The following TOP1 variants were observed in gnomAD, a reference collection of about 807,000 sequenced individuals.
TOP1 encodes DNA topoisomerase I, also known as DNA topoisomerase 1.
In TOP1, 10 loss-of-function variants were observed where a neutral mutation model predicts 111.1. The observed-to-expected ratio is 0.09, with a 90% CI of 0.06 to 0.15. The LOEUF (loss-of-function observed/expected upper bound fraction) is 0.15. Among genes scored for constraint, TOP1 ranks in the 10% least tolerant of loss-of-function variants. The pLI is 1.00. For missense variants in TOP1, 474 were observed against 926.7 expected (o/e 0.51, Z 6.34); for synonymous variants, 271 against 302.9 (o/e 0.89, Z 1.10).
rs148036807 is a variant in TOP1, at chr20:41,054,060, C to G, written c.59-7334C>G. Among the ~76,000 whole-genome samples the G allele has an allele frequency of 2.2e-3, 329 of 152,148 alleles. 1 individual carries two copies. Among genetic ancestry groups the G allele is most frequent in the African/African-American group, 6.5e-3 (271 of 41,502 alleles). On this transcript the variant is annotated intron_variant, in intron 2 of 20. Coordinates refer to ENST00000361337, the MANE Select transcript of TOP1 (RefSeq NM_003286.4). Reference sequence around the variant, plus strand: ...ATCGTTACCACCCAGAGTTGTGAAACTTAGAGGTGATATATGTAATACTGC... The same window carrying G: ...ATCGTTACCACCCAGAGTTGTGAAAGTTAGAGGTGATATATGTAATACTGC...
rs1290251600 is a variant in TOP1, at chr20:41,121,929, CAA to C, written c.2046-75_2046-74del. ...CTCTATACTAGGGCTTTTATTGACT[CAA>C]AGTGGCAGGATGGGTACAGTGTGCT... On this transcript the variant is annotated intron_variant, in intron 19 of 20. Coordinates refer to ENST00000361337, the MANE Select transcript of TOP1 (RefSeq NM_003286.4). The surrounding 1 kb of genome is among the most constrained non-coding windows in gnomAD (Gnocchi z 4.2). 7 of 1,577,832 alleles carry C rather than the reference CAA, an allele frequency of 4.4e-6. No individual in the cohort carries two copies. The African/African-American group carries it at 9.6e-5, about 22-fold the overall frequency.
rs987072326 is a variant in TOP1 at position 41,101,547 on chromosome 20, CTTAT to C, written c.1308+200_1308+203del. 2.6e-5 allele frequency among the ~76,000 whole-genome samples: 4 copies of C among 152,330 alleles called. No individual in the cohort carries two copies. The highest frequency in any genetic ancestry group is 4.8e-5 in the African/African-American group (2 of 41,572). ...TCCATTTTTTTGGTCACATTGTAATCTTATTTATTAATTCACAAATATTTACTGA... is the reference window on the plus strand; with the variant it reads ...TCCATTTTTTTGGTCACATTGTAATCTTATTAATTCACAAATATTTACTGA... On this transcript the variant is annotated intron_variant, in intron 13 of 20. Transcript: ENST00000361337. The surrounding 1 kb of genome is among the most constrained non-coding windows in gnomAD (Gnocchi z 4.1).
chr20:41,076,274 GA>G lies in TOP1; in HGVS notation c.264del (p.Lys88AsnfsTer15), dbSNP rs2145935067. ...HKDKHKDRDK[E>X]KRKEEKVRAS... is the part of the protein sequence containing the mutation. ...AGACAAACATAAAGACAGAGACAAG[GA>G]AAAACGAAAAGAGGAAAAGGTACAG... On this transcript the variant is annotated frameshift_variant, in exon 4 of 21. Coordinates refer to ENST00000361337, the MANE Select transcript of TOP1 (RefSeq NM_003286.4). LOFTEE classifies it high-confidence loss of function. The G allele has an allele frequency of 1.2e-6, 2 of 1,609,256 alleles. No homozygotes were observed. Among genetic ancestry groups the G allele is most frequent in the Admixed American group, 1.7e-5 (1 of 59,236 alleles).
chr20:41,105,424 C>T (rs981750962), intron 13 of TOP1, among the ~76,000 whole-genome samples: 3 of 152,154 alleles, frequency 2.0e-5, no homozygotes, highest in African/African-American at 7.2e-5. Context: ...TCTTAACCTA[C>T]ACTTTTAATT....
intron 2 of TOP1, among the ~76,000 whole-genome samples, chr20:41,057,955 G>A (rs1049864587): frequency 1.3e-5 from 2 of 152,206 alleles, no homozygotes; most frequent in Admixed American, 1.3e-4. Context: ...CAAGTAAACT[G>A]GGGCCACTAA....
Position 41,116,578 on chromosome 20 carries a change from C to T in TOP1, c.1822+186C>T, listed in dbSNP as rs2034334335. On this transcript the variant is annotated intron_variant, in intron 17 of 20. Coordinates refer to ENST00000361337, the MANE Select transcript of TOP1 (RefSeq NM_003286.4). The surrounding 1 kb of genome is among the most constrained non-coding windows in gnomAD (Gnocchi z 5.6). ...TAAACATAGGATCAATGCTGTTTCC[C>T]CCTTCCCACCCCAACTTCAAGATTA... 6.6e-6 allele frequency among the ~76,000 whole-genome samples: 1 copy of T among 152,158 alleles called. No individual in the cohort carries two copies. The highest frequency in any genetic ancestry group is 2.4e-5 in the African/African-American group (1 of 41,428).
In TOP1 at chr20:41,029,727, C is replaced by T; in HGVS notation, c.58+272C>T. On this transcript the variant is annotated intron_variant, in intron 2 of 20. Coordinates refer to ENST00000361337, the MANE Select transcript of TOP1 (RefSeq NM_003286.4). This position sits in a 1 kb window ranked among gnomAD's most constrained non-coding sequence, Gnocchi z 6.1. ...GGGCGGTCTTTCCGGGCCGGGATTC[C>T]TCCCGGGAAAGTCGCCTTGTCGACG... The T allele has an allele frequency of 5.6e-6, 3 of 539,912 alleles. No individual in the cohort carries two copies. Among genetic ancestry groups the T allele is most frequent in the Non-Finnish European group, 1.0e-5 (3 of 298,612 alleles). 33.4% of individuals were successfully genotyped at this position (539,912 alleles called of 1,614,324 possible).
chr20:41,097,196 T>C lies in TOP1; in HGVS notation c.731-24T>C. 1 of 1,609,762 alleles carries C rather than the reference T, an allele frequency of 6.2e-7. No homozygotes were observed. The highest frequency in any genetic ancestry group is 2.2e-5 in the East Asian group (1 of 44,844). On this transcript the variant is annotated intron_variant, in intron 9 of 20. Transcript: ENST00000361337. The surrounding 1 kb of genome is among the most constrained non-coding windows in gnomAD (Gnocchi z 4.2). The stretch of plus-strand genomic sequence containing the variant: ...TAGAACATGAATACTATACCTCACT[T>C]TTTGGAACCACTTTTTTCTCTAGGT...
In TOP1 at chr20:41,095,111, G is replaced by A. The variant is rs2033966257; in HGVS notation, c.731-2109G>A. Among the ~76,000 whole-genome samples the A allele has an allele frequency of 6.6e-6, 1 of 152,048 alleles. No individual in the cohort carries two copies. The highest frequency in any genetic ancestry group is 2.4e-5 in the African/African-American group (1 of 41,378). On this transcript the variant is annotated intron_variant, in intron 9 of 20. Coordinates refer to ENST00000361337, the MANE Select transcript of TOP1 (RefSeq NM_003286.4). This position sits in a 1 kb window ranked among gnomAD's most constrained non-coding sequence, Gnocchi z 4.6. Reference sequence around the variant, plus strand: ...CTGTCACCCAGGCTGGAGTGCAGTGGCACAATCTTGGCTCACTGCAGCCTC... The same window carrying A: ...CTGTCACCCAGGCTGGAGTGCAGTGACACAATCTTGGCTCACTGCAGCCTC...
rs201109878 is a variant in TOP1 at position 41,107,458 on chromosome 20, C to CA, written c.1309-5323dup. ...TTCATTTTGGGTGAGTTGTAGCACT[C>CA]ACTTCCAATTCACTAATTCTAATTA... On this transcript the variant is annotated intron_variant, in intron 13 of 20. Transcript: ENST00000361337. 7.0e-3 allele frequency among the ~76,000 whole-genome samples: 1,068 copies of CA among 152,300 alleles called. 11 individuals carry two copies. Among genetic ancestry groups the CA allele is most frequent in the African/African-American group, 0.024 (1,009 of 41,576 alleles).
rs369515247 is a variant in TOP1 at position 41,031,048 on chromosome 20, G to T, written c.58+1593G>T. Among the ~76,000 whole-genome samples, 32 of 152,314 alleles carry T rather than the reference G, an allele frequency of 2.1e-4. 3 individuals are homozygous for T. Among genetic ancestry groups the T allele is most frequent in the African/African-American group, 7.2e-4 (30 of 41,558 alleles). ...CCAAAATGCTTTGAAGTATAGGGGAGTTAATTTTGTCTGAGGGTGGGGAAA... is the reference window on the plus strand; with the variant it reads ...CCAAAATGCTTTGAAGTATAGGGGATTTAATTTTGTCTGAGGGTGGGGAAA... On this transcript the variant is annotated intron_variant, in intron 2 of 20. Coordinates refer to ENST00000361337, the MANE Select transcript of TOP1 (RefSeq NM_003286.4).
Position 41,116,432 on chromosome 20 carries a change from A to G in TOP1, c.1822+40A>G. 1 of 1,501,540 alleles carries G rather than the reference A, an allele frequency of 6.7e-7. No individual in the cohort carries two copies. Among genetic ancestry groups the G allele is most frequent in the Non-Finnish European group, 9.3e-7 (1 of 1,078,118 alleles). The allele number at this position is 1,501,540 out of a possible 1,614,324, so 93.0% of individuals were successfully genotyped here. On this transcript the variant is annotated intron_variant, in intron 17 of 20. Transcript: ENST00000361337. This position sits in a 1 kb window ranked among gnomAD's most constrained non-coding sequence, Gnocchi z 5.6. ...GCCAGATAGGGCCCACACCCCTACT[A>G]ATGGTATCCGGTGACCTTGCTTATC...
rs953985356 is a variant in TOP1, at chr20:41,115,653, G to A, written c.1707+214G>A. ...TGCAGAACAACTGCTAAAGCACTCA[G>A]GGTGGGGGGTAGATGAGCCCTACCT... On this transcript the variant is annotated intron_variant, in intron 16 of 20. Coordinates refer to ENST00000361337, the MANE Select transcript of TOP1 (RefSeq NM_003286.4). This position sits in a 1 kb window ranked among gnomAD's most constrained non-coding sequence, Gnocchi z 6.3. Among the ~76,000 whole-genome samples the A allele has an allele frequency of 1.3e-5, 2 of 152,172 alleles. No individual in the cohort carries two copies. The highest frequency in any genetic ancestry group is 4.8e-5 in the African/African-American group (2 of 41,436).
Position 41,098,449 on chromosome 20 carries a change from C to A in TOP1, c.975+112C>A. The stretch of plus-strand genomic sequence containing the variant: ...TTAACATCAGTAATTTCACATCATT[C>A]TATGCTAAAGACTTAGAGTTCTCAA... On this transcript the variant is annotated intron_variant, in intron 11 of 20. Coordinates refer to ENST00000361337, the MANE Select transcript of TOP1 (RefSeq NM_003286.4). This position sits in a 1 kb window ranked among gnomAD's most constrained non-coding sequence, Gnocchi z 5.7. 1 of 1,219,526 alleles carries A rather than the reference C, an allele frequency of 8.2e-7. No individual in the cohort carries two copies. Among genetic ancestry groups the A allele is most frequent in the Non-Finnish European group, 1.1e-6 (1 of 870,902 alleles). The allele number at this position is 1,219,526 out of a possible 1,614,324, so 75.5% of individuals were successfully genotyped here.
In TOP1 at chr20:41,102,564, C is replaced by G. The variant is rs1224491980; in HGVS notation, c.1308+1211C>G. ...GGCAGAGGTCGCAGTGAGCTGAGAT[C>G]ACGCCACTGCACTCCAGCCTGGGCA... On this transcript the variant is annotated intron_variant, in intron 13 of 20. Transcript: ENST00000361337. The surrounding 1 kb of genome is among the most constrained non-coding windows in gnomAD (Gnocchi z 4.0). Among the ~76,000 whole-genome samples, 24 of 152,160 alleles carry G rather than the reference C, an allele frequency of 1.6e-4. No individual in the cohort carries two copies. Among genetic ancestry groups the G allele is most frequent in the Admixed American group, 1.6e-3 (24 of 15,276 alleles).
intron 8 of TOP1, among the ~76,000 whole-genome samples, chr20:41,088,236 C>T (rs1425808734): frequency 6.6e-6 from 1 of 152,180 alleles, no homozygotes; most frequent in African/African-American, 2.4e-5. Context: ...TGGTGGCTCA[C>T]GCCTGTAATC....
chr20:41,038,696 A>G (rs1325853708), intron 2 of TOP1, among the ~76,000 whole-genome samples: 1 of 152,104 alleles, frequency 6.6e-6, no homozygotes, highest in African/African-American at 2.4e-5. Context: ...GTGGATTAAA[A>G]ATCTTTGGGG....
At chr20:41,081,117 TC>T in intron 6 of TOP1, 47 bp from the exon 7 acceptor site, 1 of 1,550,074 alleles carries the variant, frequency 6.5e-7, no homozygotes. Context: ...GAGTGAGAAC[TC>T]CTGAATCATA....
chr20:41,044,190 C>A (rs1233657143), intron 2 of TOP1, among the ~76,000 whole-genome samples: 1 of 152,074 alleles, frequency 6.6e-6, no homozygotes, highest in Non-Finnish European at 1.5e-5. Context: ...GCAGGAGAAT[C>A]GCTTGAACCC....
Sources: allele counts gnomAD v4.1 joint callset (sites outside exome capture counted in the v4.1 genomes callset), GRCh38; gene constraint gnomAD v4.1.1; non-coding constraint Gnocchi (gnomAD v3.1); transcripts MANE v1.5; gene names NCBI Gene and HGNC (gene_info 2026-07-23, HGNC 2026-07-21).